Variants in SFXN5 observed in about 807,000 individuals in gnomAD.
The protein encoded by SFXN5 is sideroflexin 5, also known as sideroflexin-5.
Under a neutral mutation model 50.2 loss-of-function variants are expected in SFXN5, and 43 were observed. That is an observed-to-expected ratio of 0.86 (90% confidence interval 0.67 to 1.11). The LOEUF is 1.11. Among genes scored for constraint, SFXN5 ranks in the 50% least tolerant of loss-of-function variants. The pLI is 0.00. For synonymous variants in SFXN5, 203 were observed against 185.8 expected (o/e 1.09, Z -0.75); for missense variants, 463 against 454.1 (o/e 1.02, Z -0.18).
intron 9 of SFXN5, among the ~76,000 whole-genome samples, chr2:72,991,707 C>T (rs1043760305): frequency 8.5e-5 from 13 of 152,126 alleles, no homozygotes; most frequent in African/African-American, 2.9e-4. Context: ...TGGTAGAGCC[C>T]GTTAAAATTA....
intron 1 of SFXN5, among the ~76,000 whole-genome samples, chr2:73,069,713 C>T (rs1427579227): frequency 6.6e-6 from 1 of 151,880 alleles, no homozygotes; most frequent in African/African-American, 2.4e-5. Context: ...GTGCTCACAG[C>T]ACAGGGCTCA....
At chr2:73,006,160 AAG>A (rs35559615) in intron 6 of SFXN5, among the ~76,000 whole-genome samples, 6,193 of 152,070 alleles carry the variant, frequency 0.041, 352 homozygotes, top group Admixed American at 0.15. Flanking sequence ...TTGCCACGAG[AAG>A]ACATCCCTGA....
Position 72,992,136 on chromosome 2 carries a change from G to C in SFXN5, c.535-3788C>G, listed in dbSNP as rs563865622. On this transcript the variant is annotated intron_variant, in intron 9 of 13. Coordinates refer to ENST00000272433, the MANE Select transcript of SFXN5 (RefSeq NM_144579.3). The surrounding 1 kb of genome is among the most constrained non-coding windows in gnomAD (Gnocchi z 4.5). The stretch of plus-strand genomic sequence containing the variant: ...GCCTTCTTGACCACCTATCTCCAAG[G>C]TCTGGCTACTGGGCCAGTGAATTTG... 3.3e-5 allele frequency among the ~76,000 whole-genome samples: 5 copies of C among 152,328 alleles called. No homozygotes were observed. The South Asian group carries it at 6.2e-4, about 19-fold the overall frequency.
intron 1 of SFXN5, 146 bp from the exon 2 acceptor site, chr2:73,058,742 A>T (rs1301842136): frequency 1.4e-6 from 1 of 715,732 alleles, no homozygotes; most frequent in African/African-American, 1.8e-5. Context: ...GAGGCCTCAG[A>T]AATCTAAGGA....
chr2:73,066,501 T>C (rs1683186959), intron 1 of SFXN5, among the ~76,000 whole-genome samples: 1 of 151,200 alleles, frequency 6.6e-6, no homozygotes, highest in Non-Finnish European at 1.5e-5. Context: ...GAGGTTGCAG[T>C]GAGCTGACAT....
chr2:73,029,900 C>T (rs897894777), intron 3 of SFXN5, among the ~76,000 whole-genome samples: 2 of 151,890 alleles, frequency 1.3e-5, no homozygotes, highest in African/African-American at 4.8e-5. Flanking sequence ...GGCGAAATCC[C>T]ATCTCTAGAA....
At chr2:72,967,531 T>C (rs1674569718) in intron 12 of SFXN5, among the ~76,000 whole-genome samples, 4 of 152,074 alleles carry the variant, frequency 2.6e-5, no homozygotes, top group Admixed American at 1.3e-4. Context: ...GCTTAATAAA[T>C]GTCGCTTGTT....
intron 4 of SFXN5, 42 bp downstream of exon 4, chr2:73,023,146 G>C: frequency 6.3e-7 from 1 of 1,589,760 alleles, no homozygotes; most frequent in Non-Finnish European, 8.6e-7. Context: ...TGGAGTCCAG[G>C]ACAACACGGA....
intron 6 of SFXN5, among the ~76,000 whole-genome samples, chr2:73,005,676 C>T (rs1214342735): frequency 2.6e-5 from 4 of 152,188 alleles, no homozygotes; most frequent in African/African-American, 9.7e-5. Context: ...CACCACTGAA[C>T]ATCGTCTCAT....
At chr2:73,065,251 C>T (rs527941949) in intron 1 of SFXN5, among the ~76,000 whole-genome samples, 1 of 152,246 alleles carries the variant, frequency 6.6e-6, no homozygotes, top group South Asian at 2.1e-4. Flanking sequence ...CAGGTGCATG[C>T]TACCACGCCG....
intron 13 of SFXN5, among the ~76,000 whole-genome samples, chr2:72,959,251 T>C (rs1424315470): frequency 6.6e-6 from 1 of 151,960 alleles, no homozygotes; most frequent in East Asian, 1.9e-4. Flanking sequence ...TCAGCTTAGC[T>C]CCCACCTTCA....
intron 6 of SFXN5, among the ~76,000 whole-genome samples, chr2:73,004,991 G>A (rs775179440): frequency 1.3e-5 from 2 of 152,228 alleles, no homozygotes; most frequent in Non-Finnish European, 2.9e-5. Flanking sequence ...GCAGGGGAAA[G>A]GAAGAAAGAG....
intron 9 of SFXN5, among the ~76,000 whole-genome samples, chr2:72,995,957 G>A (rs1011718653): frequency 5.9e-5 from 9 of 152,218 alleles, no homozygotes; most frequent in Admixed American, 2.6e-4. Context: ...ACTAGGACTC[G>A]CAGATCGGAG....
Position 72,973,482 on chromosome 2 carries a change from C to T in SFXN5, c.626-1797G>A, listed in dbSNP as rs1670269993. 1.2e-5 allele frequency: 2 copies of T among 170,052 alleles called. No individual in the cohort carries two copies. Among genetic ancestry groups the T allele is most frequent in the African/African-American group, 4.8e-5 (2 of 41,530 alleles). The allele number at this position is 170,052 out of a possible 1,614,324, so 10.5% of individuals were successfully genotyped here. A position where few individuals can be genotyped will look rare whatever the true frequency, so the allele number is the denominator to read the frequency against. On this transcript the variant is annotated intron_variant, in intron 10 of 13. Coordinates refer to ENST00000272433, the MANE Select transcript of SFXN5 (RefSeq NM_144579.3). This position sits in a 1 kb window ranked among gnomAD's most constrained non-coding sequence, Gnocchi z 5.5. ...AACATCTCGCAAGGCACAGGACAGT[C>T]CCCCCACCAAAGGATCATCTGGCCC...
chr2:73,000,378 C>A lies in SFXN5; in HGVS notation c.468+53G>T. ...GCATGTCACGCTGTAGGGAGGATGA[C>A]TGGGCCTCCCTAGCCTGAACCCCAC... On this transcript the variant is annotated intron_variant, in intron 8 of 13. Transcript: ENST00000272433. 2.0e-6 allele frequency: 3 copies of A among 1,516,132 alleles called. No homozygotes were observed. The South Asian group carries it at 3.6e-5, about 18-fold the overall frequency. 93.9% of individuals were successfully genotyped at this position (1,516,132 alleles called of 1,614,324 possible).
At chr2:72,984,134 C>A (rs1436486093) in intron 10 of SFXN5, among the ~76,000 whole-genome samples, 1 of 152,246 alleles carries the variant, frequency 6.6e-6, no homozygotes, top group Non-Finnish European at 1.5e-5. Flanking sequence ...GATTCCGATG[C>A]CAGCACACAT....
intron 2 of SFXN5, among the ~76,000 whole-genome samples, chr2:73,047,678 C>T (rs972139628): frequency 6.6e-6 from 1 of 152,110 alleles, no homozygotes; most frequent in Admixed American, 6.6e-5. Context: ...GCTCCTCATT[C>T]ACCTTCTACC....
intron 1 of SFXN5, among the ~76,000 whole-genome samples, chr2:73,063,002 G>C (rs905190471): frequency 6.6e-6 from 1 of 152,156 alleles, no homozygotes; most frequent in South Asian, 2.1e-4. Context: ...CTAGGTCCTG[G>C]AGGTAGCAAG....
intron 6 of SFXN5, among the ~76,000 whole-genome samples, chr2:73,002,153 A>G (rs1311006539): frequency 6.6e-6 from 1 of 152,252 alleles, no homozygotes. Flanking sequence ...GTGAATTTCC[A>G]TGAAGCAAAA....
Sources: allele counts gnomAD v4.1 joint callset (sites outside exome capture counted in the v4.1 genomes callset), GRCh38; gene constraint gnomAD v4.1.1; non-coding constraint Gnocchi (gnomAD v3.1); transcripts MANE v1.5; gene names NCBI Gene and HGNC (gene_info 2026-07-23, HGNC 2026-07-21).